Variants in PTPRD observed in about 807,000 individuals in gnomAD.
PTPRD encodes receptor-type tyrosine-protein phosphatase delta.
A neutral mutation model predicts 214.5 loss-of-function variants in PTPRD; 34 were observed. The ratio of observed to expected loss-of-function variants is 0.16; its 90% confidence interval spans 0.12 to 0.21. PTPRD has a LOEUF of 0.21. PTPRD is among the 10% of genes least tolerant of loss of function. The pLI, the probability that PTPRD is intolerant of heterozygous loss-of-function variation, is 1.00. For missense variants in PTPRD, 2,545 were observed against 2,398.7 expected (o/e 1.06, Z -1.27); for synonymous variants, 1,128 against 845.7 (o/e 1.33, Z -5.79).
intron 2 of PTPRD, among the ~76,000 whole-genome samples, chr9:10,447,759 G>C (rs769039842): frequency 6.6e-6 from 1 of 151,974 alleles, no homozygotes; most frequent in Non-Finnish European, 1.5e-5. Flanking sequence ...CTTCAAGTAA[G>C]AAGGTCAGAC....
intron 11 of PTPRD, among the ~76,000 whole-genome samples, chr9:8,757,767 A>AGAT (rs1446849264): frequency 6.6e-6 from 1 of 151,770 alleles, no homozygotes. Context: ...TTGGTGAACT[A>AGAT]GATAATAACA....
chr9:10,062,260 T>C (rs185317354), intron 3 of PTPRD, among the ~76,000 whole-genome samples: 1 of 152,184 alleles, frequency 6.6e-6, no homozygotes, highest in African/African-American at 2.4e-5. Context: ...GATAAGTAAT[T>C]GTATTCCACC....
At chr9:10,492,454 T>G (rs910912638) in intron 2 of PTPRD, among the ~76,000 whole-genome samples, 1 of 152,206 alleles carries the variant, frequency 6.6e-6, no homozygotes, top group African/African-American at 2.4e-5. Flanking sequence ...TGCATCTCTC[T>G]GGTGACCAGG....
At chr9:8,596,638 A>T (rs2094492417) in intron 14 of PTPRD, among the ~76,000 whole-genome samples, 2 of 152,118 alleles carry the variant, frequency 1.3e-5, no homozygotes, top group Admixed American at 1.3e-4. Context: ...TAATCAATAC[A>T]TTATAATTGA....
At chr9:10,306,386 C>CA (rs1456883047) in intron 3 of PTPRD, among the ~76,000 whole-genome samples, 2 of 152,080 alleles carry the variant, frequency 1.3e-5, no homozygotes, top group East Asian at 3.9e-4. Flanking sequence ...AACAAACCTG[C>CA]ATGTTCTGCA....
intron 6 of PTPRD, among the ~76,000 whole-genome samples, chr9:9,745,116 AATT>A (rs1368566712): frequency 6.6e-6 from 1 of 152,084 alleles, no homozygotes; most frequent in Non-Finnish European, 1.5e-5. Flanking sequence ...TAAAAATTAT[AATT>A]ATAAAAATAG....
At chr9:8,596,300 T>C (rs1594850532) in intron 14 of PTPRD, among the ~76,000 whole-genome samples, 1 of 152,152 alleles carries the variant, frequency 6.6e-6, no homozygotes, top group African/African-American at 2.4e-5. Context: ...TATGGATAAA[T>C]ATACGCATTT....
chr9:8,549,949 A>G (rs1396632808), intron 14 of PTPRD, among the ~76,000 whole-genome samples: 1 of 152,222 alleles, frequency 6.6e-6, no homozygotes, highest in South Asian at 2.1e-4. Flanking sequence ...CCTGGCATGA[A>G]GCATCTGAAA....
chr9:10,343,978 GTTTTTTTT>G (rs139613939), intron 2 of PTPRD, among the ~76,000 whole-genome samples: 3 of 31,670 alleles, frequency 9.5e-5, no homozygotes, highest in African/African-American at 2.6e-4. Context: ...TCTGATGGTA[GTTTTTTTT>G]TTTTTTTTTT....
chr9:8,776,341 C>T (rs1012801571), intron 11 of PTPRD, among the ~76,000 whole-genome samples: 2 of 152,092 alleles, frequency 1.3e-5, no homozygotes, highest in African/African-American at 4.8e-5. Context: ...TTACTCACAT[C>T]GCCCAGGCTG....
chr9:9,455,748 A>C (rs1006294323), intron 8 of PTPRD, among the ~76,000 whole-genome samples: 3 of 151,634 alleles, frequency 2.0e-5, no homozygotes, highest in African/African-American at 4.8e-5. Flanking sequence ...TAGAAAAAAA[A>C]CTCTTTTTGA....
intron 9 of PTPRD, among the ~76,000 whole-genome samples, chr9:9,205,195 A>T (rs2099944112): frequency 6.6e-6 from 1 of 152,212 alleles, no homozygotes; most frequent in South Asian, 2.1e-4. Context: ...AGGTAGGAAG[A>T]ATCCTTGTTG....
At chr9:8,600,551 T>C (rs1006662722) in intron 14 of PTPRD, among the ~76,000 whole-genome samples, 3 of 151,784 alleles carry the variant, frequency 2.0e-5, no homozygotes, top group Admixed American at 2.0e-4. Context: ...GAGGACTCTG[T>C]CTTGCATCTT....
intron 11 of PTPRD, among the ~76,000 whole-genome samples, chr9:8,799,338 C>A (rs2096523266): frequency 6.6e-6 from 1 of 152,174 alleles, no homozygotes; most frequent in Admixed American, 6.5e-5. Context: ...GAAAGAATCC[C>A]TGGAGGCAGC....
intron 4 of PTPRD, among the ~76,000 whole-genome samples, chr9:9,960,044 T>C (rs1347687366): frequency 6.6e-6 from 1 of 152,090 alleles, no homozygotes; most frequent in Non-Finnish European, 1.5e-5. Context: ...TGATACTGGT[T>C]TCTAATAACA....
chr9:8,964,192 GTTTT>G (rs71317391), intron 11 of PTPRD, among the ~76,000 whole-genome samples: 1 of 35,636 alleles, frequency 2.8e-5, no homozygotes, highest in Non-Finnish European at 4.7e-5. Context: ...TCAGGGCTGT[GTTTT>G]TTTTTTTTTT....
At chr9:9,666,938 G>A (rs986092105) in intron 7 of PTPRD, among the ~76,000 whole-genome samples, 8 of 151,886 alleles carry the variant, frequency 5.3e-5, no homozygotes, top group African/African-American at 1.7e-4. Context: ...TTGGGTTATA[G>A]GAACTACTGA....
chr9:9,410,169 C>G (rs955966348), intron 8 of PTPRD, among the ~76,000 whole-genome samples: 1 of 152,072 alleles, frequency 6.6e-6, no homozygotes, highest in Non-Finnish European at 1.5e-5. Context: ...GCCTTCCTGA[C>G]CAGAGGTTAC....
At chr9:9,155,396 A>T (rs2099880330) in intron 10 of PTPRD, among the ~76,000 whole-genome samples, 1 of 152,256 alleles carries the variant, frequency 6.6e-6, no homozygotes, top group African/African-American at 2.4e-5. Context: ...CTTACACTTG[A>T]GGGAGGGGTA....
Sources: gnomAD v4.1 joint callset for allele counts (sites outside exome capture counted in the v4.1 genomes callset) on GRCh38, gnomAD v4.1.1 for gene constraint, MANE v1.5 for transcripts, NCBI Gene and HGNC (gene_info 2026-07-23, HGNC 2026-07-21) for gene names.